RABGAP1L: variants seen among roughly 807,000 people sequenced by gnomAD.
RABGAP1L encodes rab GTPase-activating protein 1-like.
A neutral mutation model predicts 137.7 loss-of-function variants in RABGAP1L; 63 were observed. The observed-to-expected ratio is 0.46, with a 90% CI of 0.37 to 0.56. The LOEUF (loss-of-function observed/expected upper bound fraction) is 0.56. Ranked by LOEUF, RABGAP1L falls within the 20% of genes least tolerant of loss-of-function variation. The pLI, the probability that RABGAP1L is intolerant of heterozygous loss-of-function variation, is 0.00. For missense variants in RABGAP1L, 1,095 were observed against 1,244.0 expected, an observed-to-expected ratio of 0.88 and a Z score of 1.80; for synonymous variants, 431 against 433.7, an observed-to-expected ratio of 0.99 and a Z score of 0.08.
At chr1:174,267,081 C>T (rs1424528451) in intron 7 of RABGAP1L, among the ~76,000 whole-genome samples, 2 of 152,154 alleles carry the variant, frequency 1.3e-5, no homozygotes, top group Non-Finnish European at 2.9e-5. Flanking sequence ...TATACTTCTG[C>T]TTTGGATTAA....
At chr1:174,216,546 C>T (rs1379418533) in intron 1 of RABGAP1L, among the ~76,000 whole-genome samples, 1 of 150,822 alleles carries the variant, frequency 6.6e-6, no homozygotes, top group East Asian at 1.9e-4. Context: ...CAATTCCTCC[C>T]TCTCTCCCCC....
rs536391762 is a variant in RABGAP1L at position 174,828,757 on chromosome 1, C to G, written c.2340+16797C>G. 6.1e-5 allele frequency among the ~76,000 whole-genome samples: 9 copies of G among 148,272 alleles called. 2 individuals carry two copies. Among genetic ancestry groups the G allele is most frequent in the Non-Finnish European group, 9.0e-5 (6 of 66,728 alleles). ...CCTTTAGGTTGCAGGTCAAACATCA[C>G]CTGCTCTGGAAACCTAGGCTGTTAT... On this transcript the variant is annotated intron_variant, in intron 19 of 25. Coordinates refer to ENST00000681986, the MANE Select transcript of RABGAP1L (RefSeq NM_001366446.1).
intron 13 of RABGAP1L, among the ~76,000 whole-genome samples, chr1:174,622,015 C>T (rs534561880): frequency 8.3e-6 from 1 of 120,678 alleles, no homozygotes; most frequent in Non-Finnish European, 1.5e-5. Flanking sequence ...AAACAAAAAG[C>T]AAACAACCCC....
At chr1:174,295,793 A>G (rs1203136550) in intron 10 of RABGAP1L, among the ~76,000 whole-genome samples, 1 of 151,812 alleles carries the variant, frequency 6.6e-6, no homozygotes, top group African/African-American at 2.4e-5. Flanking sequence ...TCCTGGGACT[A>G]TAGGTGTGAG....
intron 17 of RABGAP1L, among the ~76,000 whole-genome samples, chr1:174,730,190 A>G (rs986460796): frequency 6.6e-6 from 1 of 152,222 alleles, no homozygotes; most frequent in Non-Finnish European, 1.5e-5. Flanking sequence ...TCCTAAGTGA[A>G]TTAATACGAG....
At chr1:174,900,976 A>T (rs1358952579) in intron 19 of RABGAP1L, among the ~76,000 whole-genome samples, 5 of 151,504 alleles carry the variant, frequency 3.3e-5, no homozygotes, top group African/African-American at 1.2e-4. Context: ...TATTTCTCGG[A>T]GGTTTTGTTC....
At chr1:174,238,050 C>T (rs1450034614) in intron 4 of RABGAP1L, among the ~76,000 whole-genome samples, 25 of 151,932 alleles carry the variant, frequency 1.6e-4, no homozygotes, top group Admixed American at 1.6e-3. Flanking sequence ...CCCTTTCTTC[C>T]AGTTGATCGC....
intron 13 of RABGAP1L, among the ~76,000 whole-genome samples, chr1:174,621,102 A>T (rs1051455115): frequency 6.6e-6 from 1 of 152,150 alleles, no homozygotes; most frequent in African/African-American, 2.4e-5. Context: ...TCCCATTCAT[A>T]ATTGCTTCAA....
chr1:174,706,655 G>A (rs1354871784), intron 17 of RABGAP1L, among the ~76,000 whole-genome samples: 1 of 152,030 alleles, frequency 6.6e-6, no homozygotes, highest in Non-Finnish European at 1.5e-5. Flanking sequence ...ACATAACGAA[G>A]TAACCAGCAC....
At chr1:174,780,563 G>GATAT (rs567677098) in intron 18 of RABGAP1L, among the ~76,000 whole-genome samples, 1 of 151,522 alleles carries the variant, frequency 6.6e-6, no homozygotes, top group African/African-American at 2.4e-5. Flanking sequence ...ACATGCTTTT[G>GATAT]ATATATATAT....
chr1:174,548,205 T>G, intron 13 of RABGAP1L: 1 of 1,431,152 alleles, frequency 7.0e-7, no homozygotes, highest in Middle Eastern at 2.1e-4. Context: ...GTGAAGGTAA[T>G]TAAGAGAAAG....
intron 17 of RABGAP1L, among the ~76,000 whole-genome samples, chr1:174,737,100 T>C (rs1201722354): frequency 1.3e-5 from 2 of 152,188 alleles, no homozygotes; most frequent in Admixed American, 6.5e-5. Context: ...CCTGCTTGAA[T>C]TCCTCTCCTG....
At chr1:174,744,434 T>G (rs1683707804) in intron 17 of RABGAP1L, among the ~76,000 whole-genome samples, 1 of 152,196 alleles carries the variant, frequency 6.6e-6, no homozygotes, top group Non-Finnish European at 1.5e-5. Flanking sequence ...CAGCAAGAAA[T>G]TTATCAGAGA....
chr1:174,976,538 T>A (rs1670653255), intron 22 of RABGAP1L, among the ~76,000 whole-genome samples: 1 of 152,166 alleles, frequency 6.6e-6, no homozygotes, highest in Non-Finnish European at 1.5e-5. Flanking sequence ...ATAATTGACT[T>A]CTCTGAAGTA....
intron 13 of RABGAP1L, among the ~76,000 whole-genome samples, chr1:174,598,276 C>T (rs750272123): frequency 2.0e-5 from 3 of 146,582 alleles, no homozygotes; most frequent in East Asian, 4.0e-4. Context: ...TGCAGTGAGC[C>T]GAGATCGCAT....
intron 13 of RABGAP1L, among the ~76,000 whole-genome samples, chr1:174,546,317 A>AT (rs1278958561): frequency 6.6e-6 from 1 of 152,218 alleles, no homozygotes; most frequent in South Asian, 2.1e-4. Context: ...TATCTAAAAA[A>AT]TTTTAAAGTA....
At chr1:174,902,186 A>G (rs1344377267) in intron 19 of RABGAP1L, among the ~76,000 whole-genome samples, 1 of 152,220 alleles carries the variant, frequency 6.6e-6, no homozygotes, top group East Asian at 1.9e-4. Flanking sequence ...CACCCAAAGA[A>G]GCAGTCTGGC....
intron 13 of RABGAP1L, among the ~76,000 whole-genome samples, chr1:174,634,491 C>G (rs1300371647): frequency 7.1e-6 from 1 of 141,576 alleles, no homozygotes; most frequent in Non-Finnish European, 1.5e-5. Flanking sequence ...CCTCAGGGAT[C>G]TAGAACTAGA....
At chr1:174,711,125 G>T (rs1394977952) in intron 17 of RABGAP1L, among the ~76,000 whole-genome samples, 1 of 152,142 alleles carries the variant, frequency 6.6e-6, no homozygotes, top group Non-Finnish European at 1.5e-5. Flanking sequence ...CCAGCTGGCC[G>T]CTGTGAGTGC....
Sources: gnomAD v4.1 joint callset for allele counts (sites outside exome capture counted in the v4.1 genomes callset) on GRCh38, gnomAD v4.1.1 for gene constraint, MANE v1.5 for transcripts, NCBI Gene and HGNC (gene_info 2026-07-23, HGNC 2026-07-21) for gene names.